CNKSR3: variants seen among roughly 807,000 people sequenced by gnomAD.
CNKSR3 encodes the protein connector enhancer of kinase suppressor of ras 3.
Under a neutral mutation model 67.7 loss-of-function variants are expected in CNKSR3, and 36 were observed. That is an observed-to-expected ratio of 0.53 (90% confidence interval 0.41 to 0.70). The LOEUF is 0.70. Among genes scored for constraint, CNKSR3 ranks in the 30% least tolerant of loss-of-function variants. The pLI, the probability that CNKSR3 is intolerant of heterozygous loss-of-function variation, is 0.00. For missense variants in CNKSR3, 630 were observed against 695.2 expected (o/e 0.91, Z 1.05); for synonymous variants, 281 against 271.4 (o/e 1.04, Z -0.35).
intron 10 of CNKSR3, among the ~76,000 whole-genome samples, chr6:154,413,229 G>GT (rs978967688): frequency 2.0e-5 from 3 of 150,636 alleles, no homozygotes; most frequent in East Asian, 1.9e-4. Flanking sequence ...TCTGTTTTTT[G>GT]TTTTTTTGTT....
chr6:154,461,907 A>G (rs565791900), intron 1 of CNKSR3, among the ~76,000 whole-genome samples: 1 of 152,264 alleles, frequency 6.6e-6, no homozygotes, highest in African/African-American at 2.4e-5. Context: ...ATTATCCGCA[A>G]CCGATGCCTT....
chr6:154,414,082 C>T (rs936072940), intron 10 of CNKSR3, among the ~76,000 whole-genome samples: 2 of 151,488 alleles, frequency 1.3e-5, no homozygotes, highest in Non-Finnish European at 2.9e-5. Flanking sequence ...GAAGGGCCCT[C>T]CCCACCAAAC....
In CNKSR3 at chr6:154,389,444, CATAT is replaced by C. The variant is rs1224237278; in HGVS notation, c.*16906_*16909del. 1.3e-5 allele frequency: 2 copies of C among 152,202 alleles called. No individual in the cohort carries two copies. The highest frequency in any genetic ancestry group is 6.5e-5 in the Admixed American group (1 of 15,280). The allele number at this position is 152,202 out of a possible 1,614,324, so 9.4% of individuals were successfully genotyped here. ...TGGACTCTCTATTCTGTTCCATTCA[CATAT>C]ATGTCTATCTGTTGGCCAGTAACAT... On this transcript the variant is annotated 3_prime_UTR_variant, in exon 13 of 13. Coordinates refer to ENST00000607772, the MANE Select transcript of CNKSR3 (RefSeq NM_173515.4).
At chr6:154,487,919 CACT>C (rs1181081149) in intron 1 of CNKSR3, among the ~76,000 whole-genome samples, 62 of 152,264 alleles carry the variant, frequency 4.1e-4, no homozygotes, top group African/African-American at 1.4e-3. Context: ...CAAATGTTAA[CACT>C]ACTATCACTT....
In CNKSR3 at chr6:154,433,707, C is replaced by G. The variant is rs1399171134; in HGVS notation, c.508-200G>C. 2.1e-5 allele frequency: 11 copies of G among 535,780 alleles called. No individual in the cohort carries two copies. In the Middle Eastern group the frequency reaches 1.4e-3, roughly 70 times the overall value. The allele number at this position is 535,780 out of a possible 1,614,324, so 33.2% of individuals were successfully genotyped here. A position where few individuals can be genotyped will look rare whatever the true frequency, so the allele number is the denominator to read the frequency against. On this transcript the variant is annotated intron_variant, in intron 4 of 12. Transcript: ENST00000607772. The stretch of plus-strand genomic sequence containing the variant: ...CTGACGTTTGCACCTTCCGAAGGTC[C>G]TGCTCTCCCCTGACCTAAGGAGTTC...
intron 9 of CNKSR3, among the ~76,000 whole-genome samples, chr6:154,416,326 C>T (rs1785023745): frequency 1.3e-5 from 2 of 152,160 alleles, no homozygotes; most frequent in Admixed American, 1.3e-4. Context: ...GGGGCAGGGA[C>T]TGAGCTTTCA....
intron 1 of CNKSR3, among the ~76,000 whole-genome samples, chr6:154,479,586 C>T (rs1234270435): frequency 1.3e-5 from 2 of 152,342 alleles, no homozygotes; most frequent in Admixed American, 6.5e-5. Context: ...GCTAGGAATG[C>T]ATGAGTCAAC....
intron 4 of CNKSR3, 98 bp from the exon 5 acceptor site, chr6:154,433,605 C>T (rs9479852): frequency 0.036 from 30,934 of 858,166 alleles, 754 homozygotes; most frequent in African/African-American, 0.095. Flanking sequence ...CAGCTCAAGA[C>T]GGTCCCTGAC....
At chr6:154,502,933 C>G (rs1004704638) in intron 1 of CNKSR3, among the ~76,000 whole-genome samples, 1 of 152,092 alleles carries the variant, frequency 6.6e-6, no homozygotes, top group Non-Finnish European at 1.5e-5. Flanking sequence ...GGGACACAGA[C>G]GGGAGGGCCC....
At chr6:154,417,589 C>G (rs192012195) in intron 9 of CNKSR3, among the ~76,000 whole-genome samples, 1 of 152,112 alleles carries the variant, frequency 6.6e-6, no homozygotes, top group Admixed American at 6.5e-5. Context: ...TTCCTGTGTT[C>G]AAATTCTCAC....
rs139642446 is a variant in CNKSR3 at position 154,397,166 on chromosome 6, T to C, written c.*9188A>G. The C allele has an allele frequency of 6.6e-6, 1 of 152,320 alleles. No individual in the cohort carries two copies. The highest frequency in any genetic ancestry group is 2.4e-5 in the African/African-American group (1 of 41,566). 9.4% of individuals were successfully genotyped at this position (152,320 alleles called of 1,614,324 possible). ...AGTCTTATACCCTGGCTTTGTATTTTATGTTGGCTAAAGAGAATGATTCAA... is the reference window on the plus strand; with the variant it reads ...AGTCTTATACCCTGGCTTTGTATTTCATGTTGGCTAAAGAGAATGATTCAA... On this transcript the variant is annotated 3_prime_UTR_variant, in exon 13 of 13. Coordinates refer to ENST00000607772, the MANE Select transcript of CNKSR3 (RefSeq NM_173515.4).
At chr6:154,442,351 G>A (rs1409495801) in intron 2 of CNKSR3, 61 bp from the exon 3 acceptor site, 57 of 1,411,540 alleles carry the variant, frequency 4.0e-5, no homozygotes, top group Non-Finnish European at 5.3e-5. Flanking sequence ...GACAGGGCGC[G>A]GTGGCTCACG....
chr6:154,510,103 C>G lies in CNKSR3; in HGVS notation c.12G>C (p.Val4=), dbSNP rs1402470091. ...CCACTTGTTTGGGGCTCCACTTGGT[C>G]ACGGGTTCCATGGTAAACCGCTTCG... MEP[V]TKWSPKQVVD... The change falls in exon 1 of 13, where the codon GTG becomes GTC. Residue 4 remains valine, a synonymous_variant. Transcript: ENST00000607772. 5 of 1,614,146 alleles carry G rather than the reference C, an allele frequency of 3.1e-6. No individual in the cohort carries two copies. The highest frequency in any genetic ancestry group is 4.2e-6 in the Non-Finnish European group (5 of 1,180,004).
At chr6:154,425,048 AGGCGTGAGCCACC>A (rs1243312040) in intron 7 of CNKSR3, among the ~76,000 whole-genome samples, 2 of 152,232 alleles carry the variant, frequency 1.3e-5, no homozygotes, top group South Asian at 2.1e-4. Flanking sequence ...CTGAGATTAC[AGGCGTGAGCCACC>A]GCACCCGGCT....
chr6:154,447,499 C>A, intron 2 of CNKSR3, among the ~76,000 whole-genome samples: 1 of 152,120 alleles, frequency 6.6e-6, no homozygotes, highest in East Asian at 1.9e-4. Context: ...AAATCACTCT[C>A]CTAAGCCACG....
chr6:154,469,035 A>AATAT (rs1244827022), intron 1 of CNKSR3, among the ~76,000 whole-genome samples: 2 of 152,220 alleles, frequency 1.3e-5, no homozygotes, highest in Non-Finnish European at 2.9e-5. Flanking sequence ...TAAATAAATA[A>AATAT]AGTAAGAAAA....
At chr6:154,468,241 A>C (rs2114623736) in intron 1 of CNKSR3, among the ~76,000 whole-genome samples, 1 of 150,806 alleles carries the variant, frequency 6.6e-6, no homozygotes, top group East Asian at 2.0e-4. Context: ...CACCACACCC[A>C]GCTAATTTTT....
rs1784699170 is a variant in CNKSR3 at position 154,400,007 on chromosome 6, G to A, written c.*6347C>T. ...ATCTGAATGTTTATGCTCCAGGCAAGAGGAGAGAAAATGATGAGAATATCC... is the reference window on the plus strand; with the variant it reads ...ATCTGAATGTTTATGCTCCAGGCAAAAGGAGAGAAAATGATGAGAATATCC... On this transcript the variant is annotated 3_prime_UTR_variant, in exon 13 of 13. Transcript: ENST00000607772. The A allele has an allele frequency of 6.6e-6, 1 of 152,202 alleles. No homozygotes were observed. Among genetic ancestry groups the A allele is most frequent in the South Asian group, 2.1e-4 (1 of 4,828 alleles). The allele number at this position is 152,202 out of a possible 1,614,324, so 9.4% of individuals were successfully genotyped here.
At chr6:154,446,615 T>C (rs1389975884) in intron 2 of CNKSR3, among the ~76,000 whole-genome samples, 3 of 152,128 alleles carry the variant, frequency 2.0e-5, no homozygotes, top group Non-Finnish European at 2.9e-5. Context: ...TCTAGGCCCA[T>C]AGATTCATGA....
Sources: allele counts gnomAD v4.1 joint callset (sites outside exome capture counted in the v4.1 genomes callset), GRCh38; gene constraint gnomAD v4.1.1; transcripts MANE v1.5; gene names NCBI Gene and HGNC (gene_info 2026-07-23, HGNC 2026-07-21).